Variants in SHISA9 observed in about 807,000 individuals in gnomAD.
SHISA9 encodes the protein protein shisa-9.
In SHISA9, 13 loss-of-function variants were observed where a neutral mutation model predicts 38.0. The ratio of observed to expected loss-of-function variants is 0.34; its 90% confidence interval spans 0.22 to 0.54. The LOEUF (loss-of-function observed/expected upper bound fraction) is 0.54, where lower values mean the gene tolerates loss of function less well. Among genes scored for constraint, SHISA9 ranks in the 20% least tolerant of loss-of-function variants. The probability of loss-of-function intolerance (pLI) is 0.91; values close to 1 mark genes in which losing one functional copy is unlikely to be tolerated. For missense variants in SHISA9, 538 were observed against 575.8 expected (o/e 0.93, Z 0.67); for synonymous variants, 275 against 242.0 (o/e 1.14, Z -1.27).
chr16:12,943,074 C>G (rs1193285573), intron 2 of SHISA9, among the ~76,000 whole-genome samples: 1 of 151,980 alleles, frequency 6.6e-6, no homozygotes, highest in African/African-American at 2.4e-5. Flanking sequence ...AGCACATTTC[C>G]CTACAGCTGT....
intron 1 of SHISA9, chr16:12,902,935 C>T (rs1237909938): frequency 2.5e-5 from 8 of 325,616 alleles, no homozygotes; most frequent in African/African-American, 1.3e-4. Context: ...AGACACGTAG[C>T]CTGGGAGCCC....
At chr16:13,478,871 C>T in the SHISA9 span, among the ~76,000 whole-genome samples, 3 of 152,222 alleles carry the variant, frequency 2.0e-5, no homozygotes, top group East Asian at 1.9e-4. Context: ...GCCACCTGGG[C>T]GATTCTGATC....
the SHISA9 span, among the ~76,000 whole-genome samples, chr16:13,530,662 C>G: frequency 5.9e-5 from 9 of 152,028 alleles, no homozygotes; most frequent in African/African-American, 2.2e-4. Flanking sequence ...ACCCTAGGCA[C>G]CTTGTTTTTG....
chr16:13,545,334 A>G, the SHISA9 span, among the ~76,000 whole-genome samples: 17,890 of 152,234 alleles, frequency 0.12, 1,183 homozygotes, highest in African/African-American at 0.17. Flanking sequence ...AACAAGATCA[A>G]AAAAAGCAGA....
At chr16:13,072,936 C>T (rs138881154) in intron 2 of SHISA9, among the ~76,000 whole-genome samples, 307 of 152,286 alleles carry the variant, frequency 2.0e-3, no homozygotes, top group African/African-American at 6.2e-3. Flanking sequence ...GCTGGGATTA[C>T]AGGTGTGAGC....
chr16:13,293,238 G>A, the SHISA9 span, among the ~76,000 whole-genome samples: 345 of 152,130 alleles, frequency 2.3e-3, 3 homozygotes, highest in Non-Finnish European at 3.0e-3. Flanking sequence ...CACAACACAC[G>A]CACGCGCGCA....
At chr16:13,066,589 C>G (rs2073437652) in intron 2 of SHISA9, among the ~76,000 whole-genome samples, 1 of 152,144 alleles carries the variant, frequency 6.6e-6, no homozygotes, top group South Asian at 2.1e-4. Context: ...GGGAAGGTCA[C>G]CTAACTTCTA....
the SHISA9 span, among the ~76,000 whole-genome samples, chr16:13,531,446 G>T: frequency 6.6e-6 from 1 of 152,108 alleles, no homozygotes; most frequent in Non-Finnish European, 1.5e-5. Context: ...TCTTACAGAT[G>T]GGGAAAACTC....
At chr16:13,068,134 TAGGACAACCTTCC>T (rs1010591233) in intron 2 of SHISA9, among the ~76,000 whole-genome samples, 1 of 152,162 alleles carries the variant, frequency 6.6e-6, no homozygotes, top group Admixed American at 6.5e-5. Flanking sequence ...TTCTGGGTCC[TAGGACAACCTTCC>T]TGTGCCTTGC....
chr16:13,402,501 G>A, the SHISA9 span, among the ~76,000 whole-genome samples: 548 of 151,454 alleles, frequency 3.6e-3, 5 homozygotes, highest in African/African-American at 0.012. Flanking sequence ...ACCTACATTG[G>A]AGAGGGTGGT....
At chr16:13,530,084 A>C in the SHISA9 span, among the ~76,000 whole-genome samples, 3 of 152,196 alleles carry the variant, frequency 2.0e-5, no homozygotes, top group African/African-American at 7.2e-5. Context: ...GGACCACTTG[A>C]GGTCAGGAGT....
At chr16:13,207,196 G>A (rs1441913604) in intron 3 of SHISA9, among the ~76,000 whole-genome samples, 3 of 152,110 alleles carry the variant, frequency 2.0e-5, no homozygotes, top group South Asian at 2.1e-4. Flanking sequence ...CCTGGGACGC[G>A]GAGGTTGCAG....
chr16:13,447,019 C>T, the SHISA9 span, among the ~76,000 whole-genome samples: 1 of 148,334 alleles, frequency 6.7e-6, no homozygotes, highest in Admixed American at 6.8e-5. Flanking sequence ...CAGGGTAAAA[C>T]TATGTGTGGG....
At chr16:12,947,573 C>A (rs970480709) in intron 2 of SHISA9, among the ~76,000 whole-genome samples, 1 of 152,196 alleles carries the variant, frequency 6.6e-6, no homozygotes, top group African/African-American at 2.4e-5. Flanking sequence ...GGAATTCATT[C>A]AGCTTGGGGA....
chr16:13,195,578 T>C (rs2050929902), intron 2 of SHISA9, among the ~76,000 whole-genome samples: 1 of 152,170 alleles, frequency 6.6e-6, no homozygotes, highest in African/African-American at 2.4e-5. Flanking sequence ...GTGACTTCTT[T>C]CCAAAGAGTA....
chr16:13,257,531 G>T, the SHISA9 span, among the ~76,000 whole-genome samples: 1 of 152,240 alleles, frequency 6.6e-6, no homozygotes, highest in South Asian at 2.1e-4. Context: ...CCTATGTGAG[G>T]CTTTACCTTT....
At chr16:13,206,945 A>C (rs1449284840) in intron 3 of SHISA9, among the ~76,000 whole-genome samples, 1 of 152,262 alleles carries the variant, frequency 6.6e-6, no homozygotes, top group African/African-American at 2.4e-5. Context: ...GGAAGCCTTC[A>C]TATGCTATTT....
At chr16:12,940,041 G>T (rs910588618) in intron 2 of SHISA9, among the ~76,000 whole-genome samples, 11 of 152,110 alleles carry the variant, frequency 7.2e-5, no homozygotes, top group African/African-American at 2.7e-4. Context: ...GCAACTAAAG[G>T]TTGACCCTTC....
intron 2 of SHISA9, among the ~76,000 whole-genome samples, chr16:13,089,154 G>T (rs57930106): frequency 6.6e-6 from 1 of 151,390 alleles, no homozygotes; most frequent in Non-Finnish European, 1.5e-5. Context: ...TCCCAGGGAT[G>T]AAGATCATGG....
Sources: allele counts gnomAD v4.1 joint callset (sites outside exome capture counted in the v4.1 genomes callset), GRCh38; gene constraint gnomAD v4.1.1; transcripts MANE v1.5; gene names NCBI Gene and HGNC (gene_info 2026-07-23, HGNC 2026-07-21).